MTA3: variants seen among roughly 807,000 people sequenced by gnomAD.
MTA3 encodes the protein metastasis associated 1 family member 3.
Under a neutral mutation model 83.5 loss-of-function variants are expected in MTA3, and 34 were observed. The observed-to-expected ratio is 0.41, with a 90% CI of 0.31 to 0.54. The LOEUF is 0.54. Ranked by LOEUF, MTA3 falls within the 20% of genes least tolerant of loss-of-function variation. The pLI is 0.33. For missense variants in MTA3, 761 were observed against 726.4 expected (o/e 1.05, Z -0.55); for synonymous variants, 303 against 252.7 (o/e 1.20, Z -1.89).
chr2:42,594,789 C>T (rs1371519722), intron 3 of MTA3, among the ~76,000 whole-genome samples: 2 of 106,314 alleles, frequency 1.9e-5, no homozygotes, highest in African/African-American at 7.6e-5. Flanking sequence ...TCCAGTGGCG[C>T]GATCTCAGCT....
chr2:42,559,780 G>A (rs1165821610), intron 2 of MTA3, among the ~76,000 whole-genome samples: 2 of 138,106 alleles, frequency 1.4e-5, no homozygotes, highest in Non-Finnish European at 3.1e-5. Context: ...GGAGGCTGAG[G>A]CAGAAGAATC....
At chr2:42,681,673 C>T (rs1280217258) in intron 8 of MTA3, among the ~76,000 whole-genome samples, 1 of 151,760 alleles carries the variant, frequency 6.6e-6, no homozygotes, top group Non-Finnish European at 1.5e-5. Context: ...CAACCAGGCC[C>T]AGCTAATTTT....
At chr2:42,610,967 TA>T (rs1460418994) in intron 4 of MTA3, among the ~76,000 whole-genome samples, 120 of 151,574 alleles carry the variant, frequency 7.9e-4, no homozygotes, top group Non-Finnish European at 2.5e-4. Flanking sequence ...TAAAATGCAT[TA>T]TTTCTTTTCT....
At chr2:42,594,901 TTTA>T (rs1681588133) in intron 3 of MTA3, among the ~76,000 whole-genome samples, 1 of 141,440 alleles carries the variant, frequency 7.1e-6, no homozygotes, top group Non-Finnish European at 1.5e-5. Flanking sequence ...TAATTATTTA[TTTA>T]TTTATTTATT....
At chr2:42,549,431 A>T (rs1439999239) in intron 2 of MTA3, among the ~76,000 whole-genome samples, 13 of 105,302 alleles carry the variant, frequency 1.2e-4, no homozygotes, top group African/African-American at 2.7e-4. Flanking sequence ...ATAATATATA[A>T]TATATACGTA....
chr2:42,712,718 T>C (rs906747420), intron 14 of MTA3: 10 of 152,056 alleles, frequency 6.6e-5, no homozygotes, highest in African/African-American at 2.4e-4. Context: ...AGCAAGGTTA[T>C]AAAATACCAA....
chr2:42,592,310 A>G (rs1334503425), intron 3 of MTA3, among the ~76,000 whole-genome samples: 4 of 151,326 alleles, frequency 2.6e-5, no homozygotes, highest in Non-Finnish European at 5.9e-5. Flanking sequence ...ATGGCTGGGC[A>G]TAGTAGATCA....
At chr2:42,636,979 C>A (rs942231677) in intron 4 of MTA3, among the ~76,000 whole-genome samples, 3 of 152,162 alleles carry the variant, frequency 2.0e-5, no homozygotes, top group Non-Finnish European at 1.5e-5. Flanking sequence ...AAATATATAA[C>A]CTGTATGCAC....
chr2:42,682,684 G>T, intron 9 of MTA3, 95 bp downstream of exon 9: 1 of 1,134,990 alleles, frequency 8.8e-7, no homozygotes, highest in Non-Finnish European at 1.2e-6. Context: ...TAGCAAGTTT[G>T]TGAGTTAATA....
In MTA3 at chr2:42,707,955, A is replaced by G. The variant is rs1268157541; in HGVS notation, c.1203A>G (p.Arg401=). 19 of 1,613,522 alleles carry G rather than the reference A, an allele frequency of 1.2e-5. No homozygotes were observed. The highest frequency in any genetic ancestry group is 1.6e-5 in the Non-Finnish European group (19 of 1,179,778). ...YSWGPPNMQC[R]LCAICWLYWK... is the part of the protein sequence containing the mutation. ...GGGGCCCACCTAATATGCAGTGTAG[A>G]TTATGTGCAATTTGTTGGCTTTATT... is the stretch of plus-strand genomic sequence containing the variant. Residue 401 remains arginine, a synonymous_variant, in exon 13 of 17, where the codon AGA becomes AGG. Transcript: ENST00000405094.
chr2:42,600,952 G>A (rs1276714357), intron 3 of MTA3, among the ~76,000 whole-genome samples: 1 of 151,702 alleles, frequency 6.6e-6, no homozygotes, highest in Non-Finnish European at 1.5e-5. Context: ...TGTCGCTTAG[G>A]CTTGAGTGCA....
At chr2:42,691,539 G>A (rs982265187) in intron 9 of MTA3, among the ~76,000 whole-genome samples, 8 of 152,198 alleles carry the variant, frequency 5.3e-5, no homozygotes, top group African/African-American at 1.9e-4. Flanking sequence ...CTTAAGACAA[G>A]TGTAGTTTAC....
At chr2:42,616,235 G>C (rs1262451062) in intron 4 of MTA3, among the ~76,000 whole-genome samples, 1 of 151,986 alleles carries the variant, frequency 6.6e-6, no homozygotes, top group Non-Finnish European at 1.5e-5. Context: ...TAATATTTTT[G>C]TATTTTTAGT....
intron 16 of MTA3, among the ~76,000 whole-genome samples, chr2:42,747,570 G>A (rs1669535255): frequency 6.6e-6 from 1 of 151,146 alleles, no homozygotes; most frequent in South Asian, 2.1e-4. Flanking sequence ...GAAGCTTTAA[G>A]GTGCCCCAAC....
intron 2 of MTA3, among the ~76,000 whole-genome samples, chr2:42,537,027 T>C (rs1179506165): frequency 6.6e-6 from 1 of 152,132 alleles, no homozygotes; most frequent in Admixed American, 6.6e-5. Context: ...CAATATATTG[T>C]AGCATGTGGC....
chr2:42,553,547 C>T (rs1677226243), intron 2 of MTA3, among the ~76,000 whole-genome samples: 2 of 151,166 alleles, frequency 1.3e-5, no homozygotes, highest in Admixed American at 1.3e-4. Flanking sequence ...ACCAGCCTGG[C>T]CAACATGGAG....
At chr2:42,606,940 G>C (rs1215167563) in intron 3 of MTA3, among the ~76,000 whole-genome samples, 11 of 149,904 alleles carry the variant, frequency 7.3e-5, no homozygotes, top group Non-Finnish European at 1.2e-4. Context: ...GTGGCGGCGC[G>C]TGCCTGCAAT....
intron 2 of MTA3, among the ~76,000 whole-genome samples, chr2:42,525,557 A>ATTCCTTCCCCTTC (rs1675659204): frequency 2.7e-5 from 2 of 74,936 alleles, no homozygotes; most frequent in African/African-American, 1.1e-4. Context: ...CCTTCCCCTT[A>ATTCCTTCCCCTTC]CTTCCTTCCT....
chr2:42,728,521 A>T (rs1021902860), intron 16 of MTA3, among the ~76,000 whole-genome samples: 1 of 152,196 alleles, frequency 6.6e-6, no homozygotes, highest in African/African-American at 2.4e-5. Flanking sequence ...AACTGTTCTC[A>T]TAGTGGTTGT....
Sources: allele counts gnomAD v4.1 joint callset (sites outside exome capture counted in the v4.1 genomes callset), GRCh38; gene constraint gnomAD v4.1.1; transcripts MANE v1.5; gene names NCBI Gene and HGNC (gene_info 2026-07-23, HGNC 2026-07-21).